The following WNK1 variants were observed in gnomAD, a reference collection of about 807,000 sequenced individuals.
WNK1 encodes the protein serine/threonine-protein kinase WNK1.
A neutral mutation model predicts 222.8 loss-of-function variants in WNK1; 38 were observed. The ratio of observed to expected loss-of-function variants is 0.17; its 90% confidence interval spans 0.13 to 0.22. The LOEUF is 0.22. Ranked by LOEUF, WNK1 falls within the 10% of genes least tolerant of loss-of-function variation. The pLI, the probability that WNK1 is intolerant of heterozygous loss-of-function variation, is 1.00. For synonymous variants in WNK1, 1,090 were observed against 1,092.9 expected (o/e 1.00, Z 0.05); for missense variants, 2,348 against 2,918.4 (o/e 0.80, Z 4.50).
At chr12:812,022 T>C (rs2154007872) in intron 1 of WNK1, among the ~76,000 whole-genome samples, 1 of 152,360 alleles carries the variant, frequency 6.6e-6, no homozygotes, top group East Asian at 1.9e-4. Context: ...TTCAGTGTAT[T>C]CTCAAGGAAA....
intron 1 of WNK1, among the ~76,000 whole-genome samples, chr12:779,121 CT>C (rs1943420377): frequency 6.6e-6 from 1 of 152,184 alleles, no homozygotes; most frequent in Non-Finnish European, 1.5e-5. Context: ...AAAATTGCCA[CT>C]AATTATGTGT....
rs1951018936 is a variant in WNK1 at position 859,352 on chromosome 12, G to A, written c.1508G>A (p.Trp503Ter). 6.2e-7 allele frequency: 1 copy of A among 1,612,052 alleles called. No homozygotes were observed. Among genetic ancestry groups the A allele is most frequent in the Non-Finnish European group, 8.5e-7 (1 of 1,178,444 alleles). ...GGAGAAAAAATAGCCATAAAATTAT[G>A]GCTACGTATTGAAGATATTAAGAAA... ...DDGEKIAIKL[W>*]LRIEDIKKLK... The change falls in exon 6 of 28, where the codon TGG (tryptophan) becomes TAG (stop). Residue 503 changes from tryptophan to a stop codon, truncating the protein, a stop_gained. Transcript: ENST00000315939. LOFTEE classifies it high-confidence loss of function.
intron 22 of WNK1, among the ~76,000 whole-genome samples, chr12:892,290 G>A (rs187191815): frequency 1.3e-3 from 194 of 151,942 alleles, no homozygotes; most frequent in Admixed American, 3.8e-3. Context: ...TGTAAAGGGC[G>A]AGATGGTACA....
chr12:850,725 C>G (rs1267601492), intron 4 of WNK1, among the ~76,000 whole-genome samples: 3 of 152,230 alleles, frequency 2.0e-5, no homozygotes, highest in Non-Finnish European at 2.9e-5. Flanking sequence ...AGTCTTTAAT[C>G]CATCTTGAAT....
chr12:871,756 C>G (rs1160731639), intron 9 of WNK1, among the ~76,000 whole-genome samples: 1 of 152,060 alleles, frequency 6.6e-6, no homozygotes, highest in African/African-American at 2.4e-5. Flanking sequence ...GTGCCTGCCA[C>G]CACACTCAGC....
chr12:900,285 G>A (rs770283416), intron 25 of WNK1, among the ~76,000 whole-genome samples, 191 bp from the exon 26 acceptor site: 4 of 152,180 alleles, frequency 2.6e-5, no homozygotes, highest in Non-Finnish European at 5.9e-5. Context: ...ACAACACCCA[G>A]CCTATCTATT....
intron 1 of WNK1, among the ~76,000 whole-genome samples, chr12:754,891 A>G (rs1939757812): frequency 6.6e-6 from 1 of 152,206 alleles, no homozygotes; most frequent in African/African-American, 2.4e-5. Flanking sequence ...CTTAAGCCTT[A>G]CAGTAGCAGC....
intron 2 of WNK1, among the ~76,000 whole-genome samples, chr12:821,220 A>G (rs540610397): frequency 6.6e-6 from 1 of 152,146 alleles, no homozygotes; most frequent in African/African-American, 2.4e-5. Flanking sequence ...TAATCCTTTT[A>G]CTATGCAGTT....
In WNK1 at chr12:896,354, G is replaced by A. The variant is rs776025657; in HGVS notation, c.5867G>A (p.Gly1956Asp). 5 of 1,614,188 alleles carry A rather than the reference G, an allele frequency of 3.1e-6. No individual in the cohort carries two copies. In the Admixed American group the frequency reaches 8.3e-5, roughly 27 times the overall value. ...FQVTTTANKV[G>D]RFSVSKTEDK... ...GTGACAACTACAGCAAACAAAGTGG[G>A]TCGTTTCTCTGTATCAAAAACTGAG... The change falls in exon 24 of 28, where the codon GGT becomes GAT. Residue 1956 changes from glycine to aspartate, a missense_variant. Gly to Asp is a moderately conservative substitution (Grantham distance 94, BLOSUM62 -1). This residue lies in a region of WNK1 where 1,144 missense variants were observed against 1,273.6 expected (regional missense o/e 0.90). Coordinates refer to ENST00000315939, the MANE Select transcript of WNK1 (RefSeq NM_018979.4).
At chr12:756,689 T>G (rs1272745591) in intron 1 of WNK1, among the ~76,000 whole-genome samples, 1 of 152,252 alleles carries the variant, frequency 6.6e-6, no homozygotes, top group Non-Finnish European at 1.5e-5. Context: ...TTGCACTACA[T>G]GCCTAATAAA....
At chr12:769,835 TC>T (rs1565402633) in intron 1 of WNK1, among the ~76,000 whole-genome samples, 1 of 152,224 alleles carries the variant, frequency 6.6e-6, no homozygotes, top group Non-Finnish European at 1.5e-5. Flanking sequence ...TTGAGGTCTT[TC>T]TTGCCACGTG....
At chr12:765,375 C>A (rs1941559703) in intron 1 of WNK1, among the ~76,000 whole-genome samples, 1 of 146,298 alleles carries the variant, frequency 6.8e-6, no homozygotes, top group African/African-American at 2.4e-5. Flanking sequence ...TAGCAAGACC[C>A]TGTCTACAAA....
intron 1 of WNK1, among the ~76,000 whole-genome samples, chr12:763,668 C>T (rs1941330332): frequency 6.8e-6 from 1 of 147,244 alleles, no homozygotes; most frequent in Non-Finnish European, 1.5e-5. Flanking sequence ...GAAGTGAAGC[C>T]TCAAGTAAGG....
chr12:865,127 C>CAT lies in WNK1; in HGVS notation c.2139+2858_2139+2859dup, dbSNP rs1243086985. The CAT allele has an allele frequency of 4.0e-6, 6 of 1,518,714 alleles. No individual in the cohort carries two copies. Among genetic ancestry groups the CAT allele is most frequent in the Middle Eastern group, 1.7e-4 (1 of 5,930 alleles). The allele number at this position is 1,518,714 out of a possible 1,614,324, so 94.1% of individuals were successfully genotyped here. ...GTGTTGAGCCTCGTCGTGGCCGTAG[C>CAT]ATGTCGGTTTGTGTTCCCATCTTTC... is the stretch of plus-strand genomic sequence containing the variant. On this transcript the variant is annotated intron_variant, in intron 8 of 27. Coordinates refer to ENST00000315939, the MANE Select transcript of WNK1 (RefSeq NM_018979.4).
intron 1 of WNK1, among the ~76,000 whole-genome samples, chr12:758,580 G>A (rs1940565098): frequency 6.9e-6 from 1 of 144,764 alleles, no homozygotes; most frequent in African/African-American, 2.5e-5. Flanking sequence ...GTAGAGACGG[G>A]GTTTCACCTT....
intron 1 of WNK1, among the ~76,000 whole-genome samples, chr12:803,435 C>T (rs1946067341): frequency 6.6e-6 from 1 of 152,160 alleles, no homozygotes; most frequent in Admixed American, 6.6e-5. Context: ...CAGATAGTGG[C>T]TCTGGGGATG....
At position 879,590 on chromosome 12, in the gene WNK1, A is replaced by C. The variant is rs778701544; in HGVS notation, c.2391A>C (p.Pro797=). ...SAGKQLPVSQ[P]VPTIQGEPQI... ...CTTCCCAGCTTCCAGTTTCCCAGCC[A>C]GTACCAACTATCCAAGGCGAACCTC... Residue 797 remains proline, a synonymous_variant, in exon 11 of 28, where the codon CCA becomes CCC. Coordinates refer to ENST00000315939, the MANE Select transcript of WNK1 (RefSeq NM_018979.4). 8 of 1,593,768 alleles carry C rather than the reference A, an allele frequency of 5.0e-6. No individual in the cohort carries two copies. Among genetic ancestry groups the C allele is most frequent in the South Asian group, 1.1e-5 (1 of 90,564 alleles).
chr12:868,883 T>A lies in WNK1; in HGVS notation c.2140-2382T>A. ...AGGAAGCCCAGAATATTCCAGTGAT[T>A]CCTCACAAATCACTTCTTCAGACCC... On this transcript the variant is annotated intron_variant, in intron 8 of 27. Transcript: ENST00000315939. 2 of 1,608,886 alleles carry A rather than the reference T, an allele frequency of 1.2e-6. No individual in the cohort carries two copies. Among genetic ancestry groups the A allele is most frequent in the Non-Finnish European group, 1.7e-6 (2 of 1,176,256 alleles).
Position 755,748 on chromosome 12 carries a change from G to A in WNK1, c.759+1424G>A, listed in dbSNP as rs574113713. 3.4e-3 allele frequency among the ~76,000 whole-genome samples: 525 copies of A among 152,290 alleles called. 2 individuals carry two copies. The highest frequency in any genetic ancestry group is 0.017 in the Middle Eastern group (5 of 294). On this transcript the variant is annotated intron_variant, in intron 1 of 27. Transcript: ENST00000315939. The stretch of plus-strand genomic sequence containing the variant: ...TCCCAGCACTTTGGGAGGCCAAGGC[G>A]GGTGGATCACGGGGTTAGGAGTTCG...
Sources: allele counts gnomAD v4.1 joint callset (sites outside exome capture counted in the v4.1 genomes callset), GRCh38; gene constraint gnomAD v4.1.1; regional missense constraint gnomAD v4.1.1; transcripts MANE v1.5; gene names NCBI Gene and HGNC (gene_info 2026-07-23, HGNC 2026-07-21).